Variants in ROBO2 observed in about 807,000 individuals in gnomAD.
ROBO2 encodes the protein roundabout guidance receptor 2, also known as roundabout homolog 2.
Under a neutral mutation model 160.8 loss-of-function variants are expected in ROBO2, and 53 were observed. That is an observed-to-expected ratio of 0.33 (90% CI 0.26 to 0.41). The LOEUF (loss-of-function observed/expected upper bound fraction) is 0.41, where lower values mean the gene tolerates loss of function less well. Among genes scored for constraint, ROBO2 ranks in the 10% least tolerant of loss-of-function variants. The pLI is 1.00. For synonymous variants in ROBO2, 664 were observed against 611.7 expected (o/e 1.09, Z -1.26); for missense variants, 1,577 against 1,722.4 (o/e 0.92, Z 1.49).
At chr3:77,481,004 A>G (rs1490088018) in intron 3 of ROBO2, 95 bp from the exon 4 acceptor site, 1 of 1,141,726 alleles carries the variant, frequency 8.8e-7, no homozygotes. Context: ...GGAAACAAAT[A>G]TGCTCAAATA....
intron 2 of ROBO2, among the ~76,000 whole-genome samples, chr3:76,068,460 G>A (rs2068336422): frequency 1.3e-5 from 2 of 152,172 alleles, no homozygotes; most frequent in African/African-American, 4.8e-5. Flanking sequence ...AGAGGCCACA[G>A]TGTGTTCATA....
At chr3:77,526,377 C>G (rs1205490392) in intron 6 of ROBO2, among the ~76,000 whole-genome samples, 2 of 151,470 alleles carry the variant, frequency 1.3e-5, no homozygotes, top group Non-Finnish European at 3.0e-5. Context: ...TCCAGAGTCA[C>G]ATTACATATG....
intron 20 of ROBO2, among the ~76,000 whole-genome samples, chr3:77,604,243 C>T (rs541939350): frequency 1.3e-5 from 2 of 152,004 alleles, no homozygotes; most frequent in South Asian, 4.1e-4. Flanking sequence ...TTTTGAATAA[C>T]CTTATATGTC....
rs149749583 is a variant in ROBO2, at chr3:77,270,097, G to C, written c.388+171757G>C. ...ATGTTTCATATTATGCCTTATCCCAGTTCTTCAGTTAGTTAATATAGCTAT... is the reference window on the plus strand; with the variant it reads ...ATGTTTCATATTATGCCTTATCCCACTTCTTCAGTTAGTTAATATAGCTAT... On this transcript the variant is annotated intron_variant, in intron 2 of 25. Transcript: ENST00000461745. Among the ~76,000 whole-genome samples, 249 of 152,254 alleles carry C rather than the reference G, an allele frequency of 1.6e-3. 1 individual carries two copies. The highest frequency in any genetic ancestry group is 5.7e-3 in the African/African-American group (237 of 41,556).
chr3:76,815,706 T>A (rs1212507999), intron 2 of ROBO2, among the ~76,000 whole-genome samples: 2 of 151,734 alleles, frequency 1.3e-5, no homozygotes, highest in African/African-American at 4.8e-5. Flanking sequence ...CTAATGAGAG[T>A]GTAATATTAA....
chr3:76,802,986 C>G (rs919063427), intron 2 of ROBO2, among the ~76,000 whole-genome samples: 1 of 151,932 alleles, frequency 6.6e-6, no homozygotes, highest in Non-Finnish European at 1.5e-5. Flanking sequence ...GTCTGTGGAG[C>G]GTAAACTTCA....
chr3:76,674,629 C>G (rs890449046), intron 2 of ROBO2, among the ~76,000 whole-genome samples: 3 of 151,026 alleles, frequency 2.0e-5, no homozygotes, highest in South Asian at 2.1e-4. Flanking sequence ...CACACACACA[C>G]AGAAACCTGT....
chr3:76,157,777 T>C (rs2072464981), intron 2 of ROBO2, among the ~76,000 whole-genome samples: 1 of 152,178 alleles, frequency 6.6e-6, no homozygotes, highest in African/African-American at 2.4e-5. Flanking sequence ...GTGTTGGCTA[T>C]GTTTGTTTTG....
At chr3:75,911,869 T>C (rs755184306) in intron 1 of ROBO2, among the ~76,000 whole-genome samples, 1 of 152,180 alleles carries the variant, frequency 6.6e-6, no homozygotes, top group Non-Finnish European at 1.5e-5. Flanking sequence ...GCCTTGTTTC[T>C]TATCTACAAG....
At chr3:77,524,457 T>A (rs1047233959) in intron 6 of ROBO2, among the ~76,000 whole-genome samples, 1 of 151,384 alleles carries the variant, frequency 6.6e-6, no homozygotes, top group Non-Finnish European at 1.5e-5. Flanking sequence ...CGAAGTTTTC[T>A]TTTTCTTTTT....
intron 2 of ROBO2, among the ~76,000 whole-genome samples, chr3:76,011,125 C>G (rs917217297): frequency 6.6e-6 from 1 of 152,192 alleles, no homozygotes; most frequent in African/African-American, 2.4e-5. Flanking sequence ...CCCTCCCTTT[C>G]CTACCATGTA....
At chr3:76,930,602 T>C (rs947835533) in intron 2 of ROBO2, among the ~76,000 whole-genome samples, 1 of 152,188 alleles carries the variant, frequency 6.6e-6, no homozygotes, top group Non-Finnish European at 1.5e-5. Context: ...TATGGAAGGT[T>C]GGTTTACTTG....
At chr3:76,269,156 AAG>A (rs1410816318) in intron 2 of ROBO2, among the ~76,000 whole-genome samples, 1 of 152,062 alleles carries the variant, frequency 6.6e-6, no homozygotes, top group African/African-American at 2.4e-5. Context: ...AAACAACTAA[AAG>A]AGTGTAATTG....
intron 1 of ROBO2, among the ~76,000 whole-genome samples, chr3:75,926,590 A>G (rs1326093443): frequency 6.6e-6 from 1 of 152,214 alleles, no homozygotes; most frequent in Non-Finnish European, 1.5e-5. Flanking sequence ...GCTCAGGTAC[A>G]CTTTCACTAA....
At chr3:76,639,741 C>G (rs761821205) in intron 2 of ROBO2, among the ~76,000 whole-genome samples, 3 of 152,130 alleles carry the variant, frequency 2.0e-5, no homozygotes, top group Non-Finnish European at 4.4e-5. Flanking sequence ...CGCTGACACT[C>G]CAACAGAAAC....
intron 2 of ROBO2, among the ~76,000 whole-genome samples, chr3:76,283,288 C>T (rs1428241975): frequency 3.3e-5 from 5 of 150,626 alleles, no homozygotes; most frequent in African/African-American, 7.3e-5. Context: ...ATTAAGGAAC[C>T]GATGAAGTTT....
chr3:75,926,416 T>C (rs1035827472), intron 1 of ROBO2, among the ~76,000 whole-genome samples: 1 of 152,192 alleles, frequency 6.6e-6, no homozygotes, highest in African/African-American at 2.4e-5. Flanking sequence ...CAAAGTTTTA[T>C]GGTTGCTTTT....
chr3:76,118,640 A>G (rs78076159), intron 2 of ROBO2, among the ~76,000 whole-genome samples: 9,093 of 152,218 alleles, frequency 0.06, 565 homozygotes, highest in African/African-American at 0.14. Flanking sequence ...AGAAGAATAT[A>G]GTAAAGAAGG....
At chr3:76,762,178 G>A (rs2061343042) in intron 2 of ROBO2, among the ~76,000 whole-genome samples, 1 of 151,384 alleles carries the variant, frequency 6.6e-6, no homozygotes, top group Non-Finnish European at 1.5e-5. Context: ...ACTAAAGATG[G>A]AACAGAAATT....
Sources: allele counts gnomAD v4.1 joint callset (sites outside exome capture counted in the v4.1 genomes callset), GRCh38; gene constraint gnomAD v4.1.1; transcripts MANE v1.5; gene names NCBI Gene and HGNC (gene_info 2026-07-23, HGNC 2026-07-21).